The following EWSR1 variants were observed in gnomAD, a reference collection of about 807,000 sequenced individuals.
EWSR1 encodes the protein EWS RNA binding protein 1.
Under a neutral mutation model 92.1 loss-of-function variants are expected in EWSR1, and 14 were observed. That is an observed-to-expected ratio of 0.15 (90% CI 0.10 to 0.24). The LOEUF (loss-of-function observed/expected upper bound fraction) is 0.24. Among genes scored for constraint, EWSR1 ranks in the 10% least tolerant of loss-of-function variants. The pLI, the probability that EWSR1 is intolerant of heterozygous loss-of-function variation, is 1.00. For missense variants in EWSR1, 637 were observed against 870.9 expected, an observed-to-expected ratio of 0.73 and a Z score of 3.38; for synonymous variants, 303 against 292.9, an observed-to-expected ratio of 1.03 and a Z score of -0.35.
At chr22:29,296,631 C>T (rs1198248939) in intron 12 of EWSR1, among the ~76,000 whole-genome samples, 3 of 152,140 alleles carry the variant, frequency 2.0e-5, no homozygotes, top group Admixed American at 2.0e-4. Flanking sequence ...GTACAGAAAA[C>T]CCTTCAAAAG....
intron 15 of EWSR1, 128 bp downstream of exon 15, chr22:29,299,459 A>G (rs2061163527): frequency 6.7e-7 from 1 of 1,490,224 alleles, no homozygotes; most frequent in Non-Finnish European, 8.9e-7. Context: ...TCATTTCTAA[A>G]TTGTCAGCCC....
At chr22:29,272,672 G>T (rs1460215411) in intron 3 of EWSR1, among the ~76,000 whole-genome samples, 1 of 152,152 alleles carries the variant, frequency 6.6e-6, no homozygotes, top group Admixed American at 6.6e-5. Flanking sequence ...CAAGTTAGGT[G>T]CCCTGTTCCA....
chr22:29,298,938 C>A, intron 14 of EWSR1, 43 bp downstream of exon 14: 3 of 1,503,590 alleles, frequency 2.0e-6, no homozygotes, highest in Non-Finnish European at 2.7e-6. Context: ...CGAGTGAAGC[C>A]ACCCTTCCCT....
chr22:29,274,922 T>TA (rs2058984429), intron 4 of EWSR1, among the ~76,000 whole-genome samples: 1 of 152,230 alleles, frequency 6.6e-6, no homozygotes, highest in Non-Finnish European at 1.5e-5. Flanking sequence ...AAGACTCTAA[T>TA]AAAGTCTTAA....
At chr22:29,290,230 C>CG in intron 8 of EWSR1, 1 of 549,142 alleles carries the variant, frequency 1.8e-6, no homozygotes, top group Admixed American at 3.5e-5. Context: ...TGGGGATAGA[C>CG]GGGCATTTCC....
At chr22:29,289,631 GAAAA>G (rs555482723) in intron 8 of EWSR1, 1 of 219,064 alleles carries the variant, frequency 4.6e-6, no homozygotes, top group Non-Finnish European at 9.0e-6. Context: ...AACTGGTAAA[GAAAA>G]AAAAAAGTTA....
chr22:29,286,420 G>C (rs131185), intron 6 of EWSR1, among the ~76,000 whole-genome samples: 2,454 of 152,080 alleles, frequency 0.016, 21 homozygotes, highest in South Asian at 0.034. Flanking sequence ...TGGGCACCGT[G>C]GCTCATGCCT....
At chr22:29,290,955 G>A (rs530447451) in intron 8 of EWSR1, 19 of 237,802 alleles carry the variant, frequency 8.0e-5, no homozygotes, top group East Asian at 3.0e-4. Flanking sequence ...CCCCCAGTCC[G>A]TTGAGCCTTG....
intron 10 of EWSR1, 24 bp from the exon 11 acceptor site, chr22:29,292,464 C>G (rs1054168001): frequency 1.4e-6 from 2 of 1,460,922 alleles, no homozygotes; most frequent in Non-Finnish European, 1.9e-6. Context: ...GATAATAATT[C>G]TCCTGTCTTG....
intron 11 of EWSR1, among the ~76,000 whole-genome samples, chr22:29,293,945 T>C (rs544755788): frequency 2.0e-5 from 3 of 152,158 alleles, no homozygotes; most frequent in African/African-American, 7.2e-5. Flanking sequence ...TGGCGCAGTC[T>C]TGGTTTACTG....
chr22:29,297,842 G>A lies in EWSR1; in HGVS notation c.1310G>A (p.Gly437Glu). 6.2e-7 allele frequency: 1 copy of A among 1,613,968 alleles called. No homozygotes were observed. Among genetic ancestry groups the A allele is most frequent in the Non-Finnish European group, 8.5e-7 (1 of 1,179,962 alleles). Reference sequence around the variant, plus strand: ...CTTGTTCCAGGGAAAGATTTTCAAGGGAGCAAACTTAAAGTCTCCCTTGCT... The same window carrying A: ...CTTGTTCCAGGGAAAGATTTTCAAGAGAGCAAACTTAAAGTCTCCCTTGCT... ...VEWFDGKDFQ[G>E]SKLKVSLARK... Residue 437 changes from glycine to glutamate, a missense_variant, in exon 13 of 17, where the codon GGG (glycine) becomes GAG (glutamate). Coordinates refer to ENST00000397938, the MANE Select transcript of EWSR1 (RefSeq NM_005243.4).
Position 29,300,287 on chromosome 22 carries a change from T to TTAGTATTTTTCACCATTTG in EWSR1, c.*128_*146dup, listed in dbSNP as rs2147873277. 3.2e-6 allele frequency: 3 copies of TTAGTATTTTTCACCATTTG among 929,550 alleles called. No individual in the cohort carries two copies. The South Asian group carries it at 5.2e-5, about 16-fold the overall frequency. 57.6% of individuals were successfully genotyped at this position (929,550 alleles called of 1,614,324 possible). On this transcript the variant is annotated 3_prime_UTR_variant, in exon 17 of 17. Coordinates refer to ENST00000397938, the MANE Select transcript of EWSR1 (RefSeq NM_005243.4). ...ATTATGATTATTCCTTGTCTGTACT[T>TTAGTATTTTTCACCATTTG]TAGTATTTTTCACCATTTGTGAAGA...
chr22:29,290,336 C>T, intron 8 of EWSR1: 2 of 1,439,130 alleles, frequency 1.4e-6, no homozygotes, highest in Admixed American at 4.2e-5. Flanking sequence ...TTTTCATTGC[C>T]TCAGTATTTT....
At chr22:29,295,261 G>A (rs1004804331) in intron 11 of EWSR1, among the ~76,000 whole-genome samples, 2 of 152,112 alleles carry the variant, frequency 1.3e-5, no homozygotes, top group African/African-American at 4.8e-5. Flanking sequence ...ATTGAGGAAT[G>A]TGGAGTTTAT....
At chr22:29,271,603 T>C (rs1436456598) in intron 1 of EWSR1, among the ~76,000 whole-genome samples, 3 of 152,232 alleles carry the variant, frequency 2.0e-5, no homozygotes, top group Non-Finnish European at 2.9e-5. Context: ...GTTTATAATA[T>C]ATCTAGCTTT....
rs537629426 is a variant in EWSR1, at chr22:29,284,213, G to T, written c.581+1656G>T. ...TTGAACTCCTGGCCTCAAGTGATCC[G>T]CCCACCTTGGCCTCCCAAAGTGCTG... On this transcript the variant is annotated intron_variant, in intron 6 of 16. Coordinates refer to ENST00000397938, the MANE Select transcript of EWSR1 (RefSeq NM_005243.4). Among the ~76,000 whole-genome samples the T allele has an allele frequency of 9.2e-5, 14 of 151,384 alleles. 1 individual carries two copies. Among genetic ancestry groups the T allele is most frequent in the African/African-American group, 3.2e-4 (13 of 40,714 alleles).
At chr22:29,291,409 G>T (rs2060433162) in intron 8 of EWSR1, 153 bp from the exon 9 acceptor site, 1 of 679,772 alleles carries the variant, frequency 1.5e-6, no homozygotes, top group Non-Finnish European at 2.4e-6. Flanking sequence ...TGAGCAAGCT[G>T]CCCTGAAGAA....
chr22:29,297,770 G>A (rs1968113611), intron 12 of EWSR1, 57 bp from the exon 13 acceptor site: 9 of 1,600,820 alleles, frequency 5.6e-6, no homozygotes, highest in Middle Eastern at 1.9e-4. Flanking sequence ...ATGATGATGT[G>A]GAGTTGGTGA....
At position 29,299,307 on chromosome 22, in the gene EWSR1, C is replaced by G; in HGVS notation, c.1654C>G (p.Leu552Val). ...QCKAPKPEGF[L>V]PPPFPPPGGD... ...TAAGGCCCCAAAGCCTGAAGGCTTC[C>G]TCCCGCCACCCTTTCCGCCCCCGGG... The change falls in exon 15 of 17, where the codon CTC becomes GTC. Residue 552 changes from leucine to valine, a missense_variant. Leu to Val is a conservative substitution (Grantham distance 32). Coordinates refer to ENST00000397938, the MANE Select transcript of EWSR1 (RefSeq NM_005243.4). 1 of 1,613,878 alleles carries G rather than the reference C, an allele frequency of 6.2e-7. No individual in the cohort carries two copies. The highest frequency in any genetic ancestry group is 2.2e-5 in the East Asian group (1 of 44,884).
Sources: allele counts gnomAD v4.1 joint callset (sites outside exome capture counted in the v4.1 genomes callset), GRCh38; gene constraint gnomAD v4.1.1; transcripts MANE v1.5; gene names NCBI Gene and HGNC (gene_info 2026-07-23, HGNC 2026-07-21).